Variants in GLRA3 observed in about 807,000 individuals in gnomAD.
GLRA3 encodes the protein glycine receptor subunit alpha-3.
In GLRA3, 44 loss-of-function variants were observed where a neutral mutation model predicts 60.4. The observed-to-expected ratio is 0.73, with a 90% CI of 0.57 to 0.94. The LOEUF (loss-of-function observed/expected upper bound fraction) is 0.94, where lower values mean the gene tolerates loss of function less well. GLRA3 is among the 40% of genes least tolerant of loss of function. The pLI is 0.00. For synonymous variants in GLRA3, 223 were observed against 192.9 expected (o/e 1.16, Z -1.29); for missense variants, 508 against 564.6 (o/e 0.90, Z 1.02).
rs1470106998 is a variant in GLRA3, at chr4:174,773,430, GA to G, written c.200-6401del. Among the ~76,000 whole-genome samples the G allele has an allele frequency of 2.6e-5, 4 of 151,460 alleles. No homozygotes were observed. The East Asian group carries it at 7.8e-4, about 30-fold the overall frequency. Reference sequence around the variant, plus strand: ...CGATATTATTGTTATTCATATTGGGGAAAAATTGTTCACTAGGCAGACCTAG... The same window carrying G: ...CGATATTATTGTTATTCATATTGGGGAAAATTGTTCACTAGGCAGACCTAG... On this transcript the variant is annotated intron_variant, in intron 2 of 9. Coordinates refer to ENST00000274093, the MANE Select transcript of GLRA3 (RefSeq NM_006529.4).
intron 7 of GLRA3, among the ~76,000 whole-genome samples, chr4:174,663,953 A>T (rs1733558893): frequency 6.6e-6 from 1 of 152,182 alleles, no homozygotes; most frequent in African/African-American, 2.4e-5. Flanking sequence ...AACTCTGTGA[A>T]TACCAGTGTC....
intron 2 of GLRA3, among the ~76,000 whole-genome samples, chr4:174,770,347 T>C (rs1268247339): frequency 6.6e-6 from 1 of 152,046 alleles, no homozygotes; most frequent in East Asian, 1.9e-4. Context: ...GTCATTATAA[T>C]GTGCAAGAAT....
At chr4:174,728,763 TG>T (rs1579515760) in intron 3 of GLRA3, 65 bp from the exon 4 acceptor site, 17 of 1,029,272 alleles carry the variant, frequency 1.7e-5, no homozygotes, top group Admixed American at 1.2e-4. Context: ...AAATCCATAG[TG>T]TCAGTGTGGT....
At chr4:174,703,301 G>C (rs1735394239) in intron 5 of GLRA3, among the ~76,000 whole-genome samples, 1 of 152,164 alleles carries the variant, frequency 6.6e-6, no homozygotes, top group Non-Finnish European at 1.5e-5. Context: ...AAAGGAAGCA[G>C]TGGAGCCATT....
rs185991896 is a variant in GLRA3 at position 174,650,472 on chromosome 4, T to C, written c.1116+6271A>G. On this transcript the variant is annotated intron_variant, in intron 9 of 9. Transcript: ENST00000274093. ...CACTCTAAGGTGGCTGCTAGGATTC[T>C]AGACTAGAAAATCCTCTGACACTGT... Among the ~76,000 whole-genome samples the C allele has an allele frequency of 6.0e-4, 91 of 152,290 alleles. 1 individual carries two copies. The highest frequency in any genetic ancestry group is 6.0e-3 in the Admixed American group (91 of 15,292).
In GLRA3 at chr4:174,802,692, C is replaced by T. The variant is rs116582592; in HGVS notation, c.72-13749G>A. Among the ~76,000 whole-genome samples, 795 of 152,048 alleles carry T rather than the reference C, an allele frequency of 5.2e-3. 5 individuals are homozygous for T. The highest frequency in any genetic ancestry group is 0.018 in the African/African-American group (757 of 41,488). On this transcript the variant is annotated intron_variant, in intron 1 of 9. Coordinates refer to ENST00000274093, the MANE Select transcript of GLRA3 (RefSeq NM_006529.4). ...GAGCAATGGGATCTAAACTGAACCC[C>T]TGGTGTTTGGTAATGGTATTATAGA...
intron 3 of GLRA3, among the ~76,000 whole-genome samples, chr4:174,746,152 A>G (rs868128697): frequency 6.6e-6 from 1 of 152,178 alleles, no homozygotes; most frequent in East Asian, 1.9e-4. Flanking sequence ...GTATCTATCC[A>G]AAGGAAAATA....
intron 7 of GLRA3, among the ~76,000 whole-genome samples, chr4:174,668,190 T>C (rs981422833): frequency 6.6e-5 from 10 of 152,174 alleles, no homozygotes; most frequent in Non-Finnish European, 1.3e-4. Flanking sequence ...GGATAGCCCA[T>C]AGAATCATGA....
At chr4:174,760,362 A>G (rs1348162429) in intron 3 of GLRA3, among the ~76,000 whole-genome samples, 4 of 152,206 alleles carry the variant, frequency 2.6e-5, no homozygotes, top group Non-Finnish European at 4.4e-5. Context: ...TAAAATTGCT[A>G]ATAGGTGCTT....
In GLRA3 at chr4:174,798,948, T is replaced by A. The variant is rs73006502; in HGVS notation, c.72-10005A>T. On this transcript the variant is annotated intron_variant, in intron 1 of 9. Transcript: ENST00000274093. ...AAAAGGAAAAAAAAAAAAAGATTTT[T>A]AAAACACCTCTGGAGACAGAGAAAT... Among the ~76,000 whole-genome samples, 343 of 152,168 alleles carry A rather than the reference T, an allele frequency of 2.3e-3. 2 individuals are homozygous for A. The highest frequency in any genetic ancestry group is 8.0e-3 in the African/African-American group (332 of 41,514).
At chr4:174,700,754 G>C (rs1390013986) in intron 5 of GLRA3, among the ~76,000 whole-genome samples, 1 of 152,198 alleles carries the variant, frequency 6.6e-6, no homozygotes, top group African/African-American at 2.4e-5. Context: ...CCTTATTGAA[G>C]ATATGGAGAA....
chr4:174,663,002 G>T (rs72998788), intron 7 of GLRA3, among the ~76,000 whole-genome samples: 63 of 152,134 alleles, frequency 4.1e-4, no homozygotes, highest in African/African-American at 1.4e-3. Context: ...GGGAGAAACT[G>T]AATCATAGAT....
At chr4:174,793,380 C>CA (rs1254880221) in intron 1 of GLRA3, among the ~76,000 whole-genome samples, 7 of 151,598 alleles carry the variant, frequency 4.6e-5, no homozygotes, top group South Asian at 4.2e-4. Flanking sequence ...GCAGGCCTTT[C>CA]AAAAAAATAC....
chr4:174,681,623 A>G (rs1417486065), intron 6 of GLRA3, among the ~76,000 whole-genome samples: 1 of 152,168 alleles, frequency 6.6e-6, no homozygotes, highest in Non-Finnish European at 1.5e-5. Context: ...ACTCTTCCCT[A>G]AAGCTTTGAG....
chr4:174,825,195 C>A (rs1460484265), intron 1 of GLRA3, among the ~76,000 whole-genome samples: 3 of 151,952 alleles, frequency 2.0e-5, no homozygotes, highest in Admixed American at 6.6e-5. Flanking sequence ...CAGAATCTTG[C>A]TACACCTCCA....
At chr4:174,691,248 G>C (rs575776388) in intron 5 of GLRA3, among the ~76,000 whole-genome samples, 1 of 152,286 alleles carries the variant, frequency 6.6e-6, no homozygotes, top group South Asian at 2.1e-4. Flanking sequence ...ACTAGTGTAA[G>C]ATGGTATCTC....
intron 5 of GLRA3, among the ~76,000 whole-genome samples, chr4:174,688,358 T>C (rs1400879527): frequency 7.7e-6 from 1 of 130,402 alleles, no homozygotes; most frequent in Admixed American, 7.6e-5. Flanking sequence ...TATATATATA[T>C]ATATATATAT....
chr4:174,816,707 T>G (rs149042941), intron 1 of GLRA3, among the ~76,000 whole-genome samples: 1 of 150,946 alleles, frequency 6.6e-6, no homozygotes, highest in East Asian at 2.0e-4. Flanking sequence ...GATCACATAC[T>G]ATGCTCTCTG....
chr4:174,641,660 A>G lies in GLRA3; in HGVS notation c.*2126T>C, dbSNP rs1426884966. The G allele has an allele frequency of 1.3e-5, 2 of 152,056 alleles. No homozygotes were observed. Among genetic ancestry groups the G allele is most frequent in the African/African-American group, 2.4e-5 (1 of 41,442 alleles). The allele number at this position is 152,056 out of a possible 1,614,324, so 9.4% of individuals were successfully genotyped here. A position where few individuals can be genotyped will look rare whatever the true frequency, so the allele number is the denominator to read the frequency against. ...CTGATTTAACAAAGACACATTTATAATATTCTCAAATATGGAAAGAAGTGA... is the reference window on the plus strand; with the variant it reads ...CTGATTTAACAAAGACACATTTATAGTATTCTCAAATATGGAAAGAAGTGA... On this transcript the variant is annotated 3_prime_UTR_variant, in exon 10 of 10. Coordinates refer to ENST00000274093, the MANE Select transcript of GLRA3 (RefSeq NM_006529.4).
Sources: gnomAD v4.1 joint callset for allele counts (sites outside exome capture counted in the v4.1 genomes callset) on GRCh38, gnomAD v4.1.1 for gene constraint, MANE v1.5 for transcripts, NCBI Gene and HGNC (gene_info 2026-07-23, HGNC 2026-07-21) for gene names.